NOX4: variants seen among roughly 807,000 people sequenced by gnomAD.
NOX4 encodes the protein kidney oxidase-1.
A neutral mutation model predicts 87.6 loss-of-function variants in NOX4; 69 were observed. The ratio of observed to expected loss-of-function variants is 0.79; its 90% confidence interval spans 0.65 to 0.96. NOX4 has a LOEUF of 0.96. NOX4 is among the 40% of genes least tolerant of loss of function. The pLI is 0.00. For missense variants in NOX4, 680 were observed against 681.5 expected, an observed-to-expected ratio of 1.00 and a Z score of 0.02; for synonymous variants, 275 against 238.2, an observed-to-expected ratio of 1.15 and a Z score of -1.42.
chr11:89,430,133 G>A (rs988682695), intron 7 of NOX4, among the ~76,000 whole-genome samples: 1 of 152,096 alleles, frequency 6.6e-6, no homozygotes, highest in Non-Finnish European at 1.5e-5. Context: ...TGCAGAAAAG[G>A]CCTTTGACAA....
chr11:89,438,884 T>TATAAA (rs1944303796), intron 6 of NOX4, among the ~76,000 whole-genome samples: 105 of 51,978 alleles, frequency 2.0e-3, no homozygotes, highest in African/African-American at 0.012. Flanking sequence ...TAATATATAA[T>TATAAA]ATATTATATA....
chr11:89,358,386 C>CAAAAAAAAAAAAAAAAAAAAAAAAAA (rs10558391), intron 12 of NOX4, among the ~76,000 whole-genome samples: 1 of 78,190 alleles, frequency 1.3e-5, no homozygotes. Flanking sequence ...AACTTAATCT[C>CAAAAAAAAAAAAAAAAAAAAAAAAAA]AAAAAAAAAA....
At chr11:89,587,472 G>T in the NOX4 span, among the ~76,000 whole-genome samples, 5 of 134,764 alleles carry the variant, frequency 3.7e-5, no homozygotes, top group Non-Finnish European at 8.3e-5. Flanking sequence ...GAACAAAGGT[G>T]GGAGAGGGAA....
In NOX4 at chr11:89,406,423, C is replaced by T. The variant is rs80106605; in HGVS notation, c.630-3881G>A. ...TGAAATCTTCTCAAATGTAACAGAA[C>T]CCACTTAAGATAACACAAAGCTCTG... is the stretch of plus-strand genomic sequence containing the variant. On this transcript the variant is annotated intron_variant, in intron 8 of 17. Coordinates refer to ENST00000263317, the MANE Select transcript of NOX4 (RefSeq NM_016931.5). Among the ~76,000 whole-genome samples, 878 of 152,192 alleles carry T rather than the reference C, an allele frequency of 5.8e-3. 7 individuals carry two copies. The highest frequency in any genetic ancestry group is 0.02 in the African/African-American group (820 of 41,556).
At chr11:89,480,544 A>C (rs1173989963) in intron 2 of NOX4, among the ~76,000 whole-genome samples, 1 of 152,180 alleles carries the variant, frequency 6.6e-6, no homozygotes, top group East Asian at 1.9e-4. Flanking sequence ...GTGAAGGATA[A>C]GAGCAGAGGG....
At chr11:89,562,031 G>C in the NOX4 span, among the ~76,000 whole-genome samples, 2,156 of 152,226 alleles carry the variant, frequency 0.014, 43 homozygotes, top group African/African-American at 0.045. Context: ...TGTTTTGTTA[G>C]ATAAACAGCA....
At chr11:89,351,118 G>A (rs1473767415) in intron 13 of NOX4, among the ~76,000 whole-genome samples, 1 of 152,160 alleles carries the variant, frequency 6.6e-6, no homozygotes, top group African/African-American at 2.4e-5. Context: ...GTGAACATAT[G>A]AATAATAAGA....
At chr11:89,428,192 C>A (rs1943554480) in intron 7 of NOX4, among the ~76,000 whole-genome samples, 1 of 152,146 alleles carries the variant, frequency 6.6e-6, no homozygotes, top group Admixed American at 6.5e-5. Context: ...CACCACCAGG[C>A]CTCCCCTAAA....
chr11:89,518,000 G>A, the NOX4 span, among the ~76,000 whole-genome samples: 756 of 152,100 alleles, frequency 5.0e-3, 4 homozygotes, highest in Non-Finnish European at 8.6e-3. Flanking sequence ...TTTCAAAAAA[G>A]CATTGTTAGT....
chr11:89,547,477 T>A, the NOX4 span, among the ~76,000 whole-genome samples: 1 of 152,198 alleles, frequency 6.6e-6, no homozygotes. Flanking sequence ...TTCTAGGACC[T>A]TGCTCTTCAA....
At chr11:89,463,838 C>T (rs1945569609) in intron 2 of NOX4, among the ~76,000 whole-genome samples, 1 of 151,922 alleles carries the variant, frequency 6.6e-6, no homozygotes, top group Admixed American at 6.6e-5. Context: ...GATTTTCTAT[C>T]TCAATCAGTG....
chr11:89,482,218 T>C (rs546775167), intron 2 of NOX4, among the ~76,000 whole-genome samples: 4 of 152,100 alleles, frequency 2.6e-5, no homozygotes, highest in African/African-American at 9.6e-5. Context: ...CCTTTTGCCA[T>C]GTCATTCTGG....
intron 11 of NOX4, among the ~76,000 whole-genome samples, chr11:89,378,169 T>C (rs1939994033): frequency 6.6e-6 from 1 of 152,198 alleles, no homozygotes; most frequent in Non-Finnish European, 1.5e-5. Flanking sequence ...CTATTGCCTA[T>C]GGCCAAGCAC....
At position 89,355,091 on chromosome 11, in the gene NOX4, G is replaced by A. The variant is rs192399224; in HGVS notation, c.1136-48C>T. On this transcript the variant is annotated intron_variant, in intron 12 of 17. Transcript: ENST00000263317. ...CAAGCTGTGAAAAGATAAAAGTCAT[G>A]AAAATAATTTCAAAATGGAAGTATT... 26 of 1,337,794 alleles carry A rather than the reference G, an allele frequency of 1.9e-5. No individual in the cohort carries two copies. The African/African-American group carries it at 2.2e-4, about 11-fold the overall frequency. 82.9% of individuals were successfully genotyped at this position (1,337,794 alleles called of 1,614,324 possible).
chr11:89,454,995 T>G (rs1945123091), intron 2 of NOX4, among the ~76,000 whole-genome samples: 2 of 152,080 alleles, frequency 1.3e-5, no homozygotes, highest in African/African-American at 4.8e-5. Flanking sequence ...AAAAATGTAC[T>G]GAAGGATACG....
the NOX4 span, among the ~76,000 whole-genome samples, chr11:89,542,134 G>T: frequency 1.3e-5 from 2 of 152,080 alleles, no homozygotes; most frequent in Non-Finnish European, 2.9e-5. Context: ...AACACCTCAT[G>T]GTTGCTCTTC....
chr11:89,547,543 C>A, the NOX4 span, among the ~76,000 whole-genome samples: 1 of 152,150 alleles, frequency 6.6e-6, no homozygotes. Context: ...TTAGAAATCA[C>A]AATTTCATGT....
intron 11 of NOX4, among the ~76,000 whole-genome samples, chr11:89,387,618 A>T (rs567484410): frequency 6.6e-6 from 1 of 152,312 alleles, no homozygotes; most frequent in East Asian, 1.9e-4. Context: ...GTAAACATCG[A>T]TTCATTACTT....
chr11:89,374,723 A>C (rs1422286264), intron 11 of NOX4, among the ~76,000 whole-genome samples: 2 of 152,190 alleles, frequency 1.3e-5, no homozygotes, highest in Non-Finnish European at 2.9e-5. Context: ...ATCAAACGAA[A>C]TAGGAGGAAA....
Sources: gnomAD v4.1 joint callset for allele counts (sites outside exome capture counted in the v4.1 genomes callset) on GRCh38, gnomAD v4.1.1 for gene constraint, MANE v1.5 for transcripts, NCBI Gene and HGNC (gene_info 2026-07-23, HGNC 2026-07-21) for gene names.